Variants in TMED8 observed in about 807,000 individuals in gnomAD.
TMED8 encodes transmembrane p24 trafficking protein family member 8.
A neutral mutation model predicts 32.7 loss-of-function variants in TMED8; 15 were observed. The ratio of observed to expected loss-of-function variants is 0.46; its 90% CI spans 0.31 to 0.71. The LOEUF (loss-of-function observed/expected upper bound fraction) is 0.71, where lower values mean the gene tolerates loss of function less well. TMED8 is among the 30% of genes least tolerant of loss of function. The probability of loss-of-function intolerance (pLI) is 0.06; values close to 1 mark genes in which losing one functional copy is unlikely to be tolerated. For missense variants in TMED8, 390 were observed against 423.9 expected, an observed-to-expected ratio of 0.92 and a Z score of 0.70; for synonymous variants, 147 against 161.4, an observed-to-expected ratio of 0.91 and a Z score of 0.68.
intron 1 of TMED8, among the ~76,000 whole-genome samples, chr14:77,355,687 G>A (rs551955471): frequency 6.6e-6 from 1 of 152,178 alleles, no homozygotes; most frequent in Admixed American, 6.5e-5. Context: ...GTTATAGACT[G>A]TTAGAGATAA....
At chr14:77,351,037 G>C (rs1893162868) in intron 2 of TMED8, among the ~76,000 whole-genome samples, 1 of 152,138 alleles carries the variant, frequency 6.6e-6, no homozygotes, top group Admixed American at 6.5e-5. Context: ...TCAAAGGAAG[G>C]GGAGAGCCTG....
At chr14:77,356,196 G>T (rs1212706337) in intron 1 of TMED8, among the ~76,000 whole-genome samples, 1 of 152,008 alleles carries the variant, frequency 6.6e-6, no homozygotes, top group Non-Finnish European at 1.5e-5. Context: ...ATGAAAGATT[G>T]CATGAAAAGA....
At chr14:77,359,199 T>A (rs556487367) in intron 1 of TMED8, among the ~76,000 whole-genome samples, 11 of 152,274 alleles carry the variant, frequency 7.2e-5, no homozygotes, top group South Asian at 2.1e-4. Flanking sequence ...CATGAGCCAC[T>A]GCGCCCAGCT....
intron 1 of TMED8, among the ~76,000 whole-genome samples, chr14:77,371,755 G>A (rs996820208): frequency 7.9e-5 from 12 of 152,144 alleles, no homozygotes; most frequent in Non-Finnish European, 1.5e-4. Flanking sequence ...CCACTATGCA[G>A]AAGAAAAAGC....
At position 77,341,578 on chromosome 14, in the gene TMED8, G is replaced by T; in HGVS notation, c.*193C>A. 1.6e-6 allele frequency: 1 copy of T among 609,592 alleles called. No homozygotes were observed. The highest frequency in any genetic ancestry group is 2.9e-6 in the Non-Finnish European group (1 of 343,618). The allele number at this position is 609,592 out of a possible 1,614,324, so 37.8% of individuals were successfully genotyped here. On this transcript the variant is annotated 3_prime_UTR_variant, in exon 6 of 6. Coordinates refer to ENST00000216468, the MANE Select transcript of TMED8 (RefSeq NM_213601.3). Reference sequence around the variant, plus strand: ...TATGAGTCAGGGACTACAGAACAGGGGCACTACACCACCACCTGCAGAAGC... The same window carrying T: ...TATGAGTCAGGGACTACAGAACAGGTGCACTACACCACCACCTGCAGAAGC...
intron 1 of TMED8, among the ~76,000 whole-genome samples, chr14:77,363,174 A>AT (rs570961721): frequency 2.5e-3 from 388 of 152,352 alleles, no homozygotes; most frequent in African/African-American, 8.6e-3. Flanking sequence ...TCTCCATTGC[A>AT]TATGTAACAT....
chr14:77,354,719 C>T (rs905705155), intron 1 of TMED8, among the ~76,000 whole-genome samples: 2 of 152,042 alleles, frequency 1.3e-5, no homozygotes, highest in Non-Finnish European at 2.9e-5. Context: ...TTTGGGAGGC[C>T]GAGGAAGGTG....
In TMED8 at chr14:77,338,817, A is replaced by G. The variant is rs887029569; in HGVS notation, c.*2954T>C. The stretch of plus-strand genomic sequence containing the variant: ...AGCTGTTTGCTGAAATTTTTTCACA[A>G]TAAAACACTGGGGGAAAAGAAATCA... On this transcript the variant is annotated 3_prime_UTR_variant, in exon 6 of 6. Coordinates refer to ENST00000216468, the MANE Select transcript of TMED8 (RefSeq NM_213601.3). 5 of 152,216 alleles carry G rather than the reference A, an allele frequency of 3.3e-5. No homozygotes were observed. Among genetic ancestry groups the G allele is most frequent in the African/African-American group, 1.2e-4 (5 of 41,454 alleles). 9.4% of individuals were successfully genotyped at this position (152,216 alleles called of 1,614,324 possible). A position where few individuals can be genotyped will look rare whatever the true frequency, so the allele number is the denominator to read the frequency against.
intron 1 of TMED8, among the ~76,000 whole-genome samples, chr14:77,355,067 G>T (rs1893261575): frequency 6.6e-6 from 1 of 152,002 alleles, no homozygotes. Flanking sequence ...TTACAGCACA[G>T]CATCTGGCCA....
chr14:77,348,895 T>C (rs935538060), intron 2 of TMED8, among the ~76,000 whole-genome samples: 1 of 152,134 alleles, frequency 6.6e-6, no homozygotes, highest in African/African-American at 2.4e-5. Context: ...TAGGTTCACT[T>C]GGGTAATTCA....
Position 77,376,919 on chromosome 14 carries a change from GC to G in TMED8, c.118+16del. ...GGCCGGGCGGCACCCACCCGCCAGC[GC>G]CCCGGCCTTGCGTACCTGAGGCGGC... On this transcript the variant is annotated intron_variant, in intron 1 of 5. Coordinates refer to ENST00000216468, the MANE Select transcript of TMED8 (RefSeq NM_213601.3). The surrounding 1 kb of genome is among the most constrained non-coding windows in gnomAD (Gnocchi z 4.0). 7.1e-7 allele frequency: 1 copy of G among 1,408,986 alleles called. No individual in the cohort carries two copies. The highest frequency in any genetic ancestry group is 9.3e-7 in the Non-Finnish European group (1 of 1,078,414). 87.3% of individuals were successfully genotyped at this position (1,408,986 alleles called of 1,614,324 possible). A position where few individuals can be genotyped will look rare whatever the true frequency, so the allele number is the denominator to read the frequency against.
At chr14:77,366,485 A>G (rs1402498715) in intron 1 of TMED8, among the ~76,000 whole-genome samples, 1 of 152,208 alleles carries the variant, frequency 6.6e-6, no homozygotes, top group East Asian at 1.9e-4. Flanking sequence ...CCAGCCTTCT[A>G]ACAATTTAGT....
chr14:77,358,334 C>T (rs1022533934), intron 1 of TMED8, among the ~76,000 whole-genome samples: 2 of 151,268 alleles, frequency 1.3e-5, no homozygotes, highest in African/African-American at 4.9e-5. Context: ...CGGAGTCTTG[C>T]TCTGTCGCCC....
chr14:77,351,605 T>G (rs1893180337), intron 2 of TMED8, 68 bp downstream of exon 2: 7 of 1,423,528 alleles, frequency 4.9e-6, no homozygotes, highest in African/African-American at 1.4e-5. Context: ...AGTCACTACC[T>G]ATTTCTTTCA....
rs565640904 is a variant in TMED8, at chr14:77,367,856, A to G, written c.118+9080T>C. The stretch of plus-strand genomic sequence containing the variant: ...CTACAGGCGCCCACCACCACGCCCA[A>G]CTAATTTTTGTATTTTTAGTAGAGA... On this transcript the variant is annotated intron_variant, in intron 1 of 5. Transcript: ENST00000216468. Among the ~76,000 whole-genome samples the G allele has an allele frequency of 3.7e-4, 57 of 152,052 alleles. No homozygotes were observed. The Middle Eastern group carries it at 0.014, about 36-fold the overall frequency.
At chr14:77,363,635 CAG>C (rs1164398486) in intron 1 of TMED8, among the ~76,000 whole-genome samples, 1 of 152,050 alleles carries the variant, frequency 6.6e-6, no homozygotes, top group Admixed American at 6.5e-5. Flanking sequence ...GCCTGGGTGA[CAG>C]AGTCAGACCC....
intron 1 of TMED8, among the ~76,000 whole-genome samples, chr14:77,375,381 G>C (rs1345365798): frequency 6.6e-6 from 1 of 152,118 alleles, no homozygotes; most frequent in Non-Finnish European, 1.5e-5. Flanking sequence ...GGGTACGTTT[G>C]CCATAAACAC....
intron 2 of TMED8, among the ~76,000 whole-genome samples, chr14:77,350,977 C>G (rs568494925): frequency 6.6e-6 from 1 of 152,220 alleles, no homozygotes; most frequent in African/African-American, 2.4e-5. Flanking sequence ...AAAGGAAAAG[C>G]CTCCGCTTTA....
intron 1 of TMED8, among the ~76,000 whole-genome samples, chr14:77,372,952 A>ATATATATATATATTT (rs1555360928): frequency 7.0e-5 from 1 of 14,308 alleles, no homozygotes; most frequent in Non-Finnish European, 1.1e-4. Flanking sequence ...ATATATATAT[A>ATATATATATATATTT]TTTTTTTTTT....
Sources: gnomAD v4.1 joint callset for allele counts (sites outside exome capture counted in the v4.1 genomes callset) on GRCh38, gnomAD v4.1.1 for gene constraint, Gnocchi (gnomAD v3.1) non-coding constraint, MANE v1.5 for transcripts, NCBI Gene and HGNC (gene_info 2026-07-23, HGNC 2026-07-21) for gene names.